Variants in EPHA6 observed in about 807,000 individuals in gnomAD.
The protein encoded by EPHA6 is EPH receptor A6, also known as ephrin type-A receptor 6.
Under a neutral mutation model 112.0 loss-of-function variants are expected in EPHA6, and 50 were observed. The ratio of observed to expected loss-of-function variants is 0.45; its 90% CI spans 0.36 to 0.56. The LOEUF is 0.56. EPHA6 is among the 20% of genes least tolerant of loss of function. EPHA6 has a pLI of 0.00. For synonymous variants in EPHA6, 529 were observed against 490.7 expected (o/e 1.08, Z -1.03); for missense variants, 1,280 against 1,417.4 (o/e 0.90, Z 1.56).
At chr3:97,272,804 G>A (rs1368073271) in intron 5 of EPHA6, among the ~76,000 whole-genome samples, 3 of 152,264 alleles carry the variant, frequency 2.0e-5, no homozygotes, top group African/African-American at 4.8e-5. Flanking sequence ...CGGCCATCTG[G>A]ATGTGTACGT....
intron 16 of EPHA6, among the ~76,000 whole-genome samples, chr3:97,744,974 G>C (rs2035651424): frequency 6.6e-6 from 1 of 151,908 alleles, no homozygotes; most frequent in African/African-American, 2.4e-5. Context: ...CTAACATGTG[G>C]TTTTATTTAT....
At chr3:97,609,088 A>G (rs528054939) in intron 12 of EPHA6, among the ~76,000 whole-genome samples, 1 of 151,330 alleles carries the variant, frequency 6.6e-6, no homozygotes, top group African/African-American at 2.4e-5. Flanking sequence ...ATGTTTGTTA[A>G]AGAAAATAAA....
chr3:97,147,115 C>T (rs552887005), intron 3 of EPHA6, among the ~76,000 whole-genome samples: 30 of 152,100 alleles, frequency 2.0e-4, no homozygotes, highest in African/African-American at 6.7e-4. Context: ...TTTTCCTTTG[C>T]CCACCTCTCC....
chr3:97,641,396 A>G (rs557467365), intron 14 of EPHA6, among the ~76,000 whole-genome samples: 1 of 152,362 alleles, frequency 6.6e-6, no homozygotes, highest in African/African-American at 2.4e-5. Context: ...AATAAAATAC[A>G]GAGGAAGAAT....
At chr3:97,646,454 A>G in intron 14 of EPHA6, 1 of 665,402 alleles carries the variant, frequency 1.5e-6, no homozygotes, top group Non-Finnish European at 2.3e-6. Flanking sequence ...TTCTTCTTCA[A>G]CTTGAGTGTT....
At chr3:97,445,225 G>C (rs961937066) in intron 6 of EPHA6, among the ~76,000 whole-genome samples, 4 of 152,050 alleles carry the variant, frequency 2.6e-5, no homozygotes, top group Admixed American at 2.0e-4. Context: ...CATCCGAGGA[G>C]AGGTCATGCA....
chr3:97,436,297 C>T (rs919369315), intron 6 of EPHA6, among the ~76,000 whole-genome samples: 4 of 151,944 alleles, frequency 2.6e-5, no homozygotes, highest in Non-Finnish European at 4.4e-5. Flanking sequence ...TTCTTGAATC[C>T]TTTGTAGCTT....
chr3:97,449,536 T>A (rs371183202), intron 7 of EPHA6, among the ~76,000 whole-genome samples: 118 of 152,228 alleles, frequency 7.8e-4, no homozygotes, highest in African/African-American at 2.5e-3. Flanking sequence ...AAGCATTTAT[T>A]GAGACCCTAA....
At chr3:97,025,108 A>G (rs1379952165) in intron 3 of EPHA6, among the ~76,000 whole-genome samples, 6 of 152,224 alleles carry the variant, frequency 3.9e-5, no homozygotes, top group Non-Finnish European at 4.4e-5. Context: ...CTGTTCAAGC[A>G]CTACAATATA....
chr3:97,604,032 T>G (rs2093661810), intron 12 of EPHA6, among the ~76,000 whole-genome samples: 1 of 151,826 alleles, frequency 6.6e-6, no homozygotes, highest in African/African-American at 2.4e-5. Context: ...TGACTCAATA[T>G]TCAGTATTTG....
chr3:96,891,003 T>C (rs567045654), intron 2 of EPHA6, among the ~76,000 whole-genome samples: 71 of 152,242 alleles, frequency 4.7e-4, no homozygotes, highest in Middle Eastern at 3.4e-3. Flanking sequence ...AGGAGAATTA[T>C]TCCTGGGATG....
At chr3:96,956,602 G>T (rs1190379070) in intron 2 of EPHA6, among the ~76,000 whole-genome samples, 1 of 152,180 alleles carries the variant, frequency 6.6e-6, no homozygotes, top group Non-Finnish European at 1.5e-5. Context: ...GTCAAGCTAG[G>T]AGAGACATTT....
At chr3:96,914,052 A>G (rs573840787) in intron 2 of EPHA6, among the ~76,000 whole-genome samples, 2 of 152,272 alleles carry the variant, frequency 1.3e-5, no homozygotes, top group East Asian at 3.9e-4. Context: ...TCTTATTACA[A>G]CTTAAAAATA....
intron 10 of EPHA6, among the ~76,000 whole-genome samples, chr3:97,493,921 A>G (rs1203222756): frequency 6.6e-6 from 1 of 152,178 alleles, no homozygotes; most frequent in Non-Finnish European, 1.5e-5. Context: ...AGTAAAATCT[A>G]TAAAGATGGT....
At chr3:96,879,657 G>T (rs897267361) in intron 2 of EPHA6, among the ~76,000 whole-genome samples, 1 of 152,056 alleles carries the variant, frequency 6.6e-6, no homozygotes, top group Non-Finnish European at 1.5e-5. Context: ...AATGATTTCC[G>T]TTTGTGTCAT....
chr3:97,439,688 A>G, intron 6 of EPHA6: 2 of 911,676 alleles, frequency 2.2e-6, no homozygotes, highest in Non-Finnish European at 2.6e-6. Context: ...TTTCTTTGTC[A>G]TGGGTTCAGT....
intron 10 of EPHA6, among the ~76,000 whole-genome samples, chr3:97,527,663 G>T (rs955738245): frequency 2.6e-5 from 4 of 152,024 alleles, no homozygotes; most frequent in African/African-American, 7.2e-5. Context: ...ACCATGCAGG[G>T]CCACATAGGG....
chr3:97,207,397 A>G (rs2077742443), intron 3 of EPHA6, among the ~76,000 whole-genome samples: 1 of 152,190 alleles, frequency 6.6e-6, no homozygotes, highest in Non-Finnish European at 1.5e-5. Context: ...TAAGATGGTC[A>G]AGGAATCAAA....
At chr3:97,245,520 C>A (rs1269736103) in intron 5 of EPHA6, among the ~76,000 whole-genome samples, 2 of 151,828 alleles carry the variant, frequency 1.3e-5, no homozygotes, top group Non-Finnish European at 2.9e-5. Flanking sequence ...ACAATGGCAG[C>A]ATATTTAAAA....
Sources: allele counts gnomAD v4.1 joint callset (sites outside exome capture counted in the v4.1 genomes callset), GRCh38; gene constraint gnomAD v4.1.1; transcripts MANE v1.5; gene names NCBI Gene and HGNC (gene_info 2026-07-23, HGNC 2026-07-21).